CCDC149: variants seen among roughly 807,000 people sequenced by gnomAD.
CCDC149 encodes coiled-coil domain-containing protein 149.
A neutral mutation model predicts 59.9 loss-of-function variants in CCDC149; 45 were observed. The ratio of observed to expected loss-of-function variants is 0.75; its 90% confidence interval spans 0.59 to 0.96. The LOEUF (loss-of-function observed/expected upper bound fraction) is 0.96. Among genes scored for constraint, CCDC149 ranks in the 40% least tolerant of loss-of-function variants. CCDC149 has a pLI of 0.00. For missense variants in CCDC149, 584 were observed against 664.7 expected (o/e 0.88, Z 1.33); for synonymous variants, 245 against 260.6 (o/e 0.94, Z 0.58).
intron 4 of CCDC149, among the ~76,000 whole-genome samples, chr4:24,847,251 T>C (rs1309584468): frequency 6.6e-6 from 1 of 152,198 alleles, no homozygotes; most frequent in Non-Finnish European, 1.5e-5. Flanking sequence ...TAAGTCAATA[T>C]GGGCGCATGT....
chr4:24,805,231 G>A (rs1205866818), downstream of CCDC149, among the ~76,000 whole-genome samples: 2 of 152,302 alleles, frequency 1.3e-5, no homozygotes, highest in Middle Eastern at 3.4e-3. Flanking sequence ...TCTCCAGGCT[G>A]CTCTGCATTC....
In CCDC149 at chr4:24,813,489, AATAT is replaced by A. The variant is rs57650226; in HGVS notation, c.1193-4674_1193-4671del. Among the ~76,000 whole-genome samples the A allele has an allele frequency of 6.1e-3, 695 of 113,678 alleles. 11 individuals are homozygous for A. Among genetic ancestry groups the A allele is most frequent in the African/African-American group, 0.022 (551 of 24,864 alleles). 74.6% of individuals were successfully genotyped at this position (113,678 alleles called of 152,430 possible). A position where few individuals can be genotyped will look rare whatever the true frequency, so the allele number is the denominator to read the frequency against. ...TATATCCCCAAGGTTCAGCTTGGGG[AATAT>A]ATATATATATATATATATATATATA... On this transcript the variant is annotated intron_variant, in intron 12 of 12. Transcript: ENST00000635206.
At chr4:24,955,443 T>C (rs144350391) in intron 1 of CCDC149, among the ~76,000 whole-genome samples, 2 of 152,182 alleles carry the variant, frequency 1.3e-5, no homozygotes, top group Non-Finnish European at 2.9e-5. Context: ...ATTAAAACCA[T>C]AGCAATGAGG....
intron 1 of CCDC149, among the ~76,000 whole-genome samples, chr4:24,896,487 G>C (rs1366074800): frequency 6.6e-6 from 1 of 152,214 alleles, no homozygotes; most frequent in Non-Finnish European, 1.5e-5. Context: ...GAGCAAGCTT[G>C]AATTCTAGAG....
At chr4:24,940,345 TGA>T (rs1422733303) in intron 1 of CCDC149, among the ~76,000 whole-genome samples, 3 of 152,274 alleles carry the variant, frequency 2.0e-5, no homozygotes, top group Non-Finnish European at 4.4e-5. Flanking sequence ...AAGCAAATGC[TGA>T]GAGATTTTGT....
intron 1 of CCDC149, among the ~76,000 whole-genome samples, chr4:24,969,293 T>C (rs1378781347): frequency 2.6e-5 from 4 of 152,224 alleles, no homozygotes; most frequent in African/African-American, 7.2e-5. Flanking sequence ...CTAACAGCTG[T>C]GGACACAGGC....
At chr4:24,921,170 C>A (rs1026558751) in intron 1 of CCDC149, among the ~76,000 whole-genome samples, 1 of 152,192 alleles carries the variant, frequency 6.6e-6, no homozygotes, top group Non-Finnish European at 1.5e-5. Context: ...CTATAAATAG[C>A]ATTTAATGAG....
Position 24,837,275 on chromosome 4 carries a change from C to T in CCDC149, c.615G>A (p.Gly205=). The T allele has an allele frequency of 1.2e-6, 2 of 1,614,210 alleles. No individual in the cohort carries two copies. Among genetic ancestry groups the T allele is most frequent in the Non-Finnish European group, 1.7e-6 (2 of 1,180,036 alleles). Reference sequence around the variant, plus strand: ...CCACGTCAATGATGCGGTTCTCGTGCCCACTCAGGATATGGTTCAGCTCCT... The same window carrying T: ...CCACGTCAATGATGCGGTTCTCGTGTCCACTCAGGATATGGTTCAGCTCCT... Residue 205 remains glycine, a synonymous_variant, in exon 6 of 13, where the codon GGG becomes GGA. Transcript: ENST00000635206. The surrounding 1 kb of genome is among the most constrained non-coding windows in gnomAD (Gnocchi z 4.3).
intron 1 of CCDC149, among the ~76,000 whole-genome samples, chr4:24,905,934 T>C (rs1201634332): frequency 6.6e-6 from 1 of 152,156 alleles, no homozygotes; most frequent in African/African-American, 2.4e-5. Flanking sequence ...TTGCCCCTTC[T>C]CTCTTTCCCC....
intron 1 of CCDC149, among the ~76,000 whole-genome samples, chr4:24,943,713 T>C (rs1349304579): frequency 6.6e-6 from 1 of 152,010 alleles, no homozygotes; most frequent in Non-Finnish European, 1.5e-5. Flanking sequence ...CTCAAACAAA[T>C]TTACAAGAAA....
intron 1 of CCDC149, among the ~76,000 whole-genome samples, chr4:24,929,116 C>G (rs915162725): frequency 3.3e-5 from 5 of 152,178 alleles, no homozygotes; most frequent in African/African-American, 1.2e-4. Context: ...TTTGCCATCC[C>G]ATGGTCTGGT....
At chr4:24,823,251 A>C (rs1715525858) in intron 9 of CCDC149, among the ~76,000 whole-genome samples, 1 of 152,234 alleles carries the variant, frequency 6.6e-6, no homozygotes. Context: ...GAATAATTAC[A>C]TTGTTCTCCA....
At chr4:24,840,025 G>A (rs1312997356) in intron 4 of CCDC149, among the ~76,000 whole-genome samples, 3 of 152,140 alleles carry the variant, frequency 2.0e-5, no homozygotes, top group Non-Finnish European at 4.4e-5. Flanking sequence ...AGTCTCTGAA[G>A]GATTTATGGG....
chr4:24,879,940 A>T (rs1306396995), intron 1 of CCDC149, among the ~76,000 whole-genome samples: 2 of 152,176 alleles, frequency 1.3e-5, no homozygotes, highest in African/African-American at 2.4e-5. Context: ...GTCTGGAGGG[A>T]CTGAGAGGCC....
At chr4:24,886,235 T>C (rs1314630919) in intron 1 of CCDC149, among the ~76,000 whole-genome samples, 1 of 152,228 alleles carries the variant, frequency 6.6e-6, no homozygotes, top group African/African-American at 2.4e-5. Context: ...AATGCAGAGC[T>C]AGACTCAGAC....
intron 1 of CCDC149, among the ~76,000 whole-genome samples, chr4:24,972,609 T>G (rs1724009277): frequency 6.6e-6 from 1 of 152,052 alleles, no homozygotes; most frequent in Non-Finnish European, 1.5e-5. Context: ...GCCCAGCCTT[T>G]TTTCCTCTCT....
At chr4:24,918,555 CT>C (rs1722201195) in intron 1 of CCDC149, among the ~76,000 whole-genome samples, 1 of 152,208 alleles carries the variant, frequency 6.6e-6, no homozygotes, top group South Asian at 2.1e-4. Context: ...CCAGGCCTTG[CT>C]CTGCATCTTA....
intron 12 of CCDC149, 73 bp downstream of exon 12, chr4:24,819,786 C>T: frequency 9.7e-7 from 1 of 1,034,208 alleles, no homozygotes; most frequent in East Asian, 2.6e-5. Context: ...GGGGAAGAGA[C>T]CGATGTCCAT....
intron 1 of CCDC149, among the ~76,000 whole-genome samples, chr4:24,922,892 A>G (rs1722336695): frequency 1.3e-5 from 2 of 152,148 alleles, no homozygotes; most frequent in Non-Finnish European, 2.9e-5. Context: ...AAAAATGTCT[A>G]CAATTTATTT....
Sources: allele counts gnomAD v4.1 joint callset (sites outside exome capture counted in the v4.1 genomes callset), GRCh38; gene constraint gnomAD v4.1.1; non-coding constraint Gnocchi (gnomAD v3.1); transcripts MANE v1.5; gene names NCBI Gene and HGNC (gene_info 2026-07-23, HGNC 2026-07-21).